Variants in MTMR9 observed in about 807,000 individuals in gnomAD.
The protein encoded by MTMR9 is myotubularin related protein 9.
MTMR9 carries 39 observed loss-of-function variants against 69.5 expected under a neutral mutation model. The observed-to-expected ratio is 0.56, with a 90% CI of 0.43 to 0.73. MTMR9 has a LOEUF of 0.73. Ranked by LOEUF, MTMR9 falls within the 30% of genes least tolerant of loss-of-function variation. The pLI is 0.00. For synonymous variants in MTMR9, 354 were observed against 240.8 expected (o/e 1.47, Z -4.35); for missense variants, 900 against 671.2 (o/e 1.34, Z -3.77).
the MTMR9 span, among the ~76,000 whole-genome samples, chr8:11,338,829 C>A: frequency 6.6e-6 from 1 of 152,172 alleles, no homozygotes; most frequent in African/African-American, 2.4e-5. Context: ...ACCATGGCAA[C>A]TTTAGACAGT....
chr8:11,313,331 TC>T (rs1800280390), intron 6 of MTMR9, among the ~76,000 whole-genome samples: 1 of 152,212 alleles, frequency 6.6e-6, no homozygotes, highest in African/African-American at 2.4e-5. Context: ...GGTTTGATCT[TC>T]TATCCAGACC....
At chr8:11,330,829 T>A (rs1220654310), downstream of MTMR9, 6 of 515,536 alleles carry the variant, frequency 1.2e-5, no homozygotes, top group African/African-American at 7.8e-5. Context: ...CTTTGTTCAC[T>A]TGTTTATCTG....
intron 1 of MTMR9, among the ~76,000 whole-genome samples, chr8:11,288,772 TGATA>T (rs1324143449): frequency 2.6e-5 from 4 of 152,298 alleles, no homozygotes; most frequent in African/African-American, 9.6e-5. Flanking sequence ...AAGCAGCAGC[TGATA>T]GATGTTTCAG....
downstream of MTMR9, chr8:11,331,775 C>T (rs141007080): frequency 3.8e-5 from 61 of 1,611,606 alleles, no homozygotes; most frequent in South Asian, 4.1e-4. Context: ...CAACAGTGGC[C>T]TTCCTATCTG....
At position 11,295,252 on chromosome 8, in the gene MTMR9, T is replaced by A. The variant is rs1330738382; in HGVS notation, c.241T>A (p.Leu81Met). ...IKCKDFRIIQ[L>M]DIPGMEECLN... Reference sequence around the variant, plus strand: ...ATGTAAAGATTTTCGAATTATTCAGTTGGATATTCCTGGAATGGAGGAATG... The same window carrying A: ...ATGTAAAGATTTTCGAATTATTCAGATGGATATTCCTGGAATGGAGGAATG... Residue 81 changes from leucine to methionine, a missense_variant, in exon 2 of 10, where the codon TTG becomes ATG. Coordinates refer to ENST00000221086, the MANE Select transcript of MTMR9 (RefSeq NM_015458.4). 2 of 1,611,962 alleles carry A rather than the reference T, an allele frequency of 1.2e-6. No individual in the cohort carries two copies. The highest frequency in any genetic ancestry group is 1.3e-5 in the African/African-American group (1 of 74,902).
rs915071492 is a variant in MTMR9, at chr8:11,306,295, A to G, written c.697A>G (p.Ile233Val). ...ATLRAGKRGY[I>V]IDTRSLNVAQ... Reference sequence around the variant, plus strand: ...CCTCAGGGCTGGAAAGCGTGGCTACATCATTGACACCCGATCCCTGAACGT... The same window carrying G: ...CCTCAGGGCTGGAAAGCGTGGCTACGTCATTGACACCCGATCCCTGAACGT... The change falls in exon 5 of 10, where the codon ATC (isoleucine) becomes GTC (valine). Residue 233 changes from isoleucine (I) to valine (V), a missense_variant. Transcript: ENST00000221086. The G allele has an allele frequency of 1.9e-6, 3 of 1,613,988 alleles. No homozygotes were observed. The highest frequency in any genetic ancestry group is 2.7e-5 in the African/African-American group (2 of 74,938).
chr8:11,285,724 A>C (rs909809975), intron 1 of MTMR9, among the ~76,000 whole-genome samples: 25 of 152,100 alleles, frequency 1.6e-4, no homozygotes, highest in Admixed American at 1.1e-3. Flanking sequence ...TTATCTTTCC[A>C]AGGCAGTGCC....
chr8:11,286,642 T>A (rs558583476), intron 1 of MTMR9, among the ~76,000 whole-genome samples: 1 of 140,502 alleles, frequency 7.1e-6, no homozygotes, highest in Admixed American at 7.4e-5. Flanking sequence ...CTCCTTCCTT[T>A]GCAACAAGAG....
rs776485614 is a variant in MTMR9, at chr8:11,306,419, C to A, written c.809+12C>A. ...AAGTCCATTGAGAGGTAAAAGATTC[C>A]AAAGATAGTACAGACTCTTATTAGA... On this transcript the variant is annotated intron_variant, in intron 5 of 9. Coordinates refer to ENST00000221086, the MANE Select transcript of MTMR9 (RefSeq NM_015458.4). 1.9e-6 allele frequency: 3 copies of A among 1,610,322 alleles called. No homozygotes were observed. The highest frequency in any genetic ancestry group is 2.5e-6 in the Non-Finnish European group (3 of 1,176,818).
At chr8:11,331,332 C>T (rs1201432484), downstream of MTMR9, 37 of 1,613,840 alleles carry the variant, frequency 2.3e-5, no homozygotes, top group East Asian at 4.5e-5. Flanking sequence ...GCTCATCTGT[C>T]GATGCCTCTT....
At chr8:11,332,590 T>C (rs1801279966), downstream of MTMR9, among the ~76,000 whole-genome samples, 1 of 137,486 alleles carries the variant, frequency 7.3e-6, no homozygotes, top group Admixed American at 7.5e-5. Context: ...TAGAGTTTGT[T>C]TGTTTTTTGT....
chr8:11,295,190 A>C lies in MTMR9; in HGVS notation c.183-4A>C, dbSNP rs1288665129. Reference sequence around the variant, plus strand: ...TCCTAAACATGATTTGCAATTTCTTACAGATTTGTAGGATCACTGGGTACC... The same window carrying C: ...TCCTAAACATGATTTGCAATTTCTTCCAGATTTGTAGGATCACTGGGTACC... On this transcript the variant is annotated splice_polypyrimidine_tract_variant and splice_region_variant and intron_variant, in intron 1 of 9. Transcript: ENST00000221086. 6.5e-7 allele frequency: 1 copy of C among 1,538,100 alleles called. No individual in the cohort carries two copies. The highest frequency in any genetic ancestry group is 1.4e-5 in the African/African-American group (1 of 73,056).
downstream of MTMR9, among the ~76,000 whole-genome samples, chr8:11,330,183 C>G (rs550316793): frequency 6.6e-6 from 1 of 150,986 alleles, no homozygotes; most frequent in East Asian, 2.0e-4. Flanking sequence ...CCAGCCGCCC[C>G]GTCCGGGAGG....
At chr8:11,297,014 T>G (rs1799585135) in intron 2 of MTMR9, among the ~76,000 whole-genome samples, 1 of 152,188 alleles carries the variant, frequency 6.6e-6, no homozygotes, top group Admixed American at 6.5e-5. Flanking sequence ...TACACTGAAA[T>G]TTTAAATTGC....
chr8:11,300,459 T>G (rs1799709884), intron 3 of MTMR9: 1 of 180,372 alleles, frequency 5.5e-6, no homozygotes, highest in African/African-American at 2.4e-5. Context: ...AATGGTTATG[T>G]AACATATTGA....
rs112888181 is a variant in MTMR9, at chr8:11,291,272, A to C, written c.183-3922A>C. Among the ~76,000 whole-genome samples the C allele has an allele frequency of 8.3e-3, 1,264 of 152,238 alleles. 21 individuals carry two copies. Among genetic ancestry groups the C allele is most frequent in the African/African-American group, 0.029 (1,205 of 41,558 alleles). ...ATCTTCCTTTAAGTCCCTTAGTGGA[A>C]CTTTAAGATGGTGTATATGCTAGGT... On this transcript the variant is annotated intron_variant, in intron 1 of 9. Transcript: ENST00000221086.
In MTMR9 at chr8:11,284,966, G is replaced by C. The variant is rs903570205; in HGVS notation, c.78G>C (p.Glu26Asp). The change falls in exon 1 of 10, where the codon GAG becomes GAC. Residue 26 changes from glutamate to aspartate, a missense_variant. Glu to Asp is a conservative substitution (Grantham distance 45). Transcript: ENST00000221086. Reference sequence around the variant, plus strand: ...ACCGGCCTTTCTACCCGGCTGTCGAGGGCACCCTGTGCCTGACGGGCCACC... The same window carrying C: ...ACCGGCCTTTCTACCCGGCTGTCGACGGCACCCTGTGCCTGACGGGCCACC... ...VLHRPFYPAVEGTLCLTGHHL... is the reference protein window; with the variant it reads ...VLHRPFYPAVDGTLCLTGHHL... 6.2e-7 allele frequency: 1 copy of C among 1,613,924 alleles called. No individual in the cohort carries two copies. Among genetic ancestry groups the C allele is most frequent in the Non-Finnish European group, 8.5e-7 (1 of 1,179,940 alleles).
chr8:11,319,940 T>C (rs1469083446), intron 9 of MTMR9, 102 bp downstream of exon 9: 2 of 1,183,308 alleles, frequency 1.7e-6, no homozygotes, highest in African/African-American at 1.5e-5. Context: ...GAGCTGGACG[T>C]GGCCCTCAGA....
intron 4 of MTMR9, among the ~76,000 whole-genome samples, chr8:11,305,687 G>T (rs1799912621): frequency 6.6e-6 from 1 of 152,200 alleles, no homozygotes; most frequent in Admixed American, 6.5e-5. Flanking sequence ...AGAGGCCACT[G>T]GAGAATACAT....
Sources: gnomAD v4.1 joint callset for allele counts (sites outside exome capture counted in the v4.1 genomes callset) on GRCh38, gnomAD v4.1.1 for gene constraint, MANE v1.5 for transcripts, NCBI Gene and HGNC (gene_info 2026-07-23, HGNC 2026-07-21) for gene names.